The following TASP1 variants were observed in gnomAD, a reference collection of about 807,000 sequenced individuals.
The protein encoded by TASP1 is threonine aspartase 1.
TASP1 carries 16 observed loss-of-function variants against 56.6 expected under a neutral mutation model. The ratio of observed to expected loss-of-function variants is 0.28; its 90% CI spans 0.19 to 0.43. The LOEUF (loss-of-function observed/expected upper bound fraction) is 0.43. Ranked by LOEUF, TASP1 falls within the 20% of genes least tolerant of loss-of-function variation. The probability of loss-of-function intolerance (pLI) is 1.00; values close to 1 mark genes in which losing one functional copy is unlikely to be tolerated. For missense variants in TASP1, 393 were observed against 511.6 expected (o/e 0.77, Z 2.24); for synonymous variants, 179 against 184.2 (o/e 0.97, Z 0.23).
intron 10 of TASP1, among the ~76,000 whole-genome samples, chr20:13,511,789 C>G (rs886666253): frequency 3.6e-5 from 5 of 138,140 alleles, no homozygotes; most frequent in African/African-American, 1.3e-4. Context: ...CAGTGTGTGA[C>G]GTTTCCCTTC....
At chr20:13,591,723 G>A (rs776379470) in intron 4 of TASP1, among the ~76,000 whole-genome samples, 1 of 152,136 alleles carries the variant, frequency 6.6e-6, no homozygotes, top group South Asian at 2.1e-4. Flanking sequence ...AATGATAATT[G>A]TTTAAAGCAA....
the TASP1 span, chr20:13,288,752 G>C: frequency 6.9e-7 from 1 of 1,453,198 alleles, no homozygotes; most frequent in Non-Finnish European, 9.4e-7. Flanking sequence ...TAAAAACTTA[G>C]TGACATTGTC....
intron 11 of TASP1, among the ~76,000 whole-genome samples, chr20:13,452,393 G>A (rs1317491586): frequency 1.1e-4 from 17 of 148,026 alleles, no homozygotes; most frequent in Non-Finnish European, 2.4e-4. Context: ...GCTCTCCCAA[G>A]CAGTGTGATA....
chr20:13,481,281 C>T (rs1234654921), intron 11 of TASP1, among the ~76,000 whole-genome samples: 1 of 152,070 alleles, frequency 6.6e-6, no homozygotes, highest in Non-Finnish European at 1.5e-5. Context: ...CTGCATAGTA[C>T]TCCATTGTGT....
At chr20:13,250,017 G>T in the TASP1 span, among the ~76,000 whole-genome samples, 1 of 152,092 alleles carries the variant, frequency 6.6e-6, no homozygotes, top group African/African-American at 2.4e-5. Flanking sequence ...TCCATCGATC[G>T]CTTCCAGGGG....
At chr20:13,396,399 A>T (rs1008443288) in intron 13 of TASP1, among the ~76,000 whole-genome samples, 8 of 152,252 alleles carry the variant, frequency 5.3e-5, no homozygotes, top group African/African-American at 1.4e-4. Flanking sequence ...TTCTTAATAT[A>T]GTCTAGAATA....
the TASP1 span, among the ~76,000 whole-genome samples, chr20:13,176,385 T>C: frequency 1.3e-5 from 2 of 152,224 alleles, no homozygotes; most frequent in Non-Finnish European, 2.9e-5. Context: ...TGTTGAGGTT[T>C]CCATACCTAA....
chr20:13,351,114 A>G, the TASP1 span, among the ~76,000 whole-genome samples: 2 of 152,344 alleles, frequency 1.3e-5, no homozygotes, highest in African/African-American at 2.4e-5. Context: ...GGAATAGGAA[A>G]CTAAGTCCAC....
At chr20:13,489,360 G>A (rs146932626) in intron 10 of TASP1, among the ~76,000 whole-genome samples, 60 of 152,236 alleles carry the variant, frequency 3.9e-4, no homozygotes, top group African/African-American at 1.4e-3. Flanking sequence ...GGGAATATAT[G>A]GATCTTCAGA....
At chr20:13,296,663 G>A in the TASP1 span, among the ~76,000 whole-genome samples, 2 of 152,210 alleles carry the variant, frequency 1.3e-5, no homozygotes, top group African/African-American at 4.8e-5. Context: ...GGTTTAGGCT[G>A]AGGGTGGGCC....
the TASP1 span, chr20:13,292,478 T>A: frequency 1.3e-6 from 2 of 1,534,596 alleles, no homozygotes; most frequent in African/African-American, 2.7e-5. Context: ...GATTTTTTTC[T>A]TTTTTAATCC....
At chr20:13,356,890 T>C in the TASP1 span, among the ~76,000 whole-genome samples, 27 of 152,302 alleles carry the variant, frequency 1.8e-4, no homozygotes, top group African/African-American at 6.5e-4. Context: ...GGTATTTCTG[T>C]GGTCTTTTTG....
intron 8 of TASP1, among the ~76,000 whole-genome samples, chr20:13,542,045 CAAAA>C (rs374309655): frequency 4.5e-5 from 3 of 66,690 alleles, no homozygotes; most frequent in Admixed American, 1.8e-4. Flanking sequence ...ACTCCGTCTC[CAAAA>C]AAAAAAAAAA....
chr20:13,163,287 G>T, the TASP1 span, among the ~76,000 whole-genome samples: 4 of 147,676 alleles, frequency 2.7e-5, no homozygotes, highest in African/African-American at 1.0e-4. Context: ...AGAATCACTT[G>T]AACCCGGGAG....
chr20:13,534,278 T>G, intron 8 of TASP1, 137 bp from the exon 9 acceptor site: 3 of 1,036,720 alleles, frequency 2.9e-6, no homozygotes, highest in Non-Finnish European at 3.9e-6. Flanking sequence ...AGCAATCTCC[T>G]AAAATTATCT....
At chr20:13,502,488 C>T (rs1354421772) in intron 10 of TASP1, among the ~76,000 whole-genome samples, 3 of 152,068 alleles carry the variant, frequency 2.0e-5, no homozygotes, top group Non-Finnish European at 2.9e-5. Flanking sequence ...ATACCATAGA[C>T]CTATAGGTCA....
chr20:13,580,982 C>CTA lies in TASP1; in HGVS notation c.404-3_404-2dup. ...GCAACCGAGACTGGGTTCTTGATTCCTATAAAAAAAAAAAAAAAATTGGCA... is the reference window on the plus strand; with the variant it reads ...GCAACCGAGACTGGGTTCTTGATTCCTATATAAAAAAAAAAAAAAAATTGGCA... On this transcript the variant is annotated splice_acceptor_variant, in intron 5 of 13. Coordinates refer to ENST00000337743, the MANE Select transcript of TASP1 (RefSeq NM_017714.3). LOFTEE classifies it high-confidence loss of function. 4 of 1,513,066 alleles carry CTA rather than the reference C, an allele frequency of 2.6e-6. No individual in the cohort carries two copies. Among genetic ancestry groups the CTA allele is most frequent in the South Asian group, 1.2e-5 (1 of 82,152 alleles). The allele number at this position is 1,513,066 out of a possible 1,614,324, so 93.7% of individuals were successfully genotyped here. A position where few individuals can be genotyped will look rare whatever the true frequency, so the allele number is the denominator to read the frequency against.
chr20:13,131,636 A>G, the TASP1 span, among the ~76,000 whole-genome samples: 2 of 152,096 alleles, frequency 1.3e-5, no homozygotes, highest in African/African-American at 2.4e-5. Context: ...TACTTGACAT[A>G]TATTCAGAAT....
the TASP1 span, among the ~76,000 whole-genome samples, chr20:13,193,056 G>A: frequency 6.6e-6 from 1 of 152,220 alleles, no homozygotes; most frequent in East Asian, 1.9e-4. Context: ...TCCAGAAAAT[G>A]TATATTGTAC....
Sources: allele counts gnomAD v4.1 joint callset (sites outside exome capture counted in the v4.1 genomes callset), GRCh38; gene constraint gnomAD v4.1.1; transcripts MANE v1.5; gene names NCBI Gene and HGNC (gene_info 2026-07-23, HGNC 2026-07-21).